Variants in PRIMA1 observed in about 807,000 individuals in gnomAD.
PRIMA1 encodes proline rich membrane anchor 1, also known as proline-rich membrane anchor 1.
Under a neutral mutation model 17.5 loss-of-function variants are expected in PRIMA1, and 7 were observed. The observed-to-expected ratio is 0.40, with a 90% CI of 0.23 to 0.75. The LOEUF (loss-of-function observed/expected upper bound fraction) is 0.75. PRIMA1 is among the 30% of genes least tolerant of loss of function. The pLI is 0.37. For synonymous variants in PRIMA1, 97 were observed against 77.9 expected (o/e 1.25, Z -1.29); for missense variants, 200 against 201.8 (o/e 0.99, Z 0.05).
At chr14:93,749,706 T>C (rs1231941058) in intron 3 of PRIMA1, among the ~76,000 whole-genome samples, 2 of 152,208 alleles carry the variant, frequency 1.3e-5, no homozygotes, top group Admixed American at 6.5e-5. Context: ...CAGCACCTAG[T>C]TGATGCTCAA....
At chr14:93,776,080 G>C (rs1029331838) in intron 3 of PRIMA1, among the ~76,000 whole-genome samples, 18 of 152,196 alleles carry the variant, frequency 1.2e-4, no homozygotes, top group Admixed American at 7.9e-4. Context: ...TGGAATGCTG[G>C]AGCCTGGAGC....
chr14:93,734,095 G>T (rs1206494551), intron 4 of PRIMA1, among the ~76,000 whole-genome samples: 9 of 152,154 alleles, frequency 5.9e-5, no homozygotes, highest in Admixed American at 5.9e-4. Flanking sequence ...GCTGCACCAG[G>T]GATACTCTCT....
chr14:93,728,136 A>G (rs2076091309), intron 4 of PRIMA1, among the ~76,000 whole-genome samples: 1 of 152,180 alleles, frequency 6.6e-6, no homozygotes, highest in African/African-American at 2.4e-5. Flanking sequence ...CACGGGCAAG[A>G]TTCATTCACA....
At chr14:93,721,680 T>C in intron 4 of PRIMA1, 134 bp from the exon 5 acceptor site, 2 of 645,422 alleles carry the variant, frequency 3.1e-6, no homozygotes, top group Non-Finnish European at 5.6e-6. Flanking sequence ...AGCCAATGGC[T>C]CTGTCCTCGG....
chr14:93,755,129 C>T (rs936974906), intron 3 of PRIMA1, among the ~76,000 whole-genome samples: 7 of 152,278 alleles, frequency 4.6e-5, no homozygotes, highest in African/African-American at 1.4e-4. Context: ...GGGAAAAAAA[C>T]CCGAGGCCTA....
In PRIMA1 at chr14:93,737,268, A is replaced by G. The variant is rs145843133; in HGVS notation, c.332T>C (p.Val111Ala). The G allele has an allele frequency of 3.0e-5, 48 of 1,613,996 alleles. No homozygotes were observed. Among genetic ancestry groups the G allele is most frequent in the Non-Finnish European group, 4.0e-5 (47 of 1,180,030 alleles). The change falls in exon 4 of 5, where the codon GTC becomes GCC. Residue 111 changes from valine (V) to alanine (A), a missense_variant. Transcript: ENST00000393140. ...TTTTATGGCTTTGTAGCAAATGATG[A>G]CAAGCACAGTCAGAAACACCAGGGA... ...CASLVFLTVL[V>A]IICYKAIKRK...
chr14:93,787,045 AT>A (rs1333437337), intron 2 of PRIMA1, among the ~76,000 whole-genome samples: 2 of 152,006 alleles, frequency 1.3e-5, no homozygotes, highest in African/African-American at 4.8e-5. Context: ...GGACCACCCC[AT>A]TGAAACCCCT....
At chr14:93,779,429 G>T (rs969346170) in intron 2 of PRIMA1, 118 bp from the exon 3 acceptor site, 3 of 812,576 alleles carry the variant, frequency 3.7e-6, no homozygotes, top group African/African-American at 3.6e-5. Context: ...TCCTTTCCAA[G>T]ACCAAGGCAG....
chr14:93,768,556 T>C (rs1488727060), intron 3 of PRIMA1, among the ~76,000 whole-genome samples: 3 of 152,146 alleles, frequency 2.0e-5, no homozygotes, highest in African/African-American at 7.2e-5. Flanking sequence ...AGTGTCCAAC[T>C]AGAGGCAGGA....
intron 3 of PRIMA1, among the ~76,000 whole-genome samples, chr14:93,756,978 C>T (rs80303031): frequency 0.02 from 3,087 of 152,268 alleles, 113 homozygotes; most frequent in African/African-American, 0.07. Context: ...ATTACATTCC[C>T]GCTCAGTGTC....
intron 4 of PRIMA1, among the ~76,000 whole-genome samples, chr14:93,724,669 G>T (rs141933471): frequency 8.5e-5 from 13 of 152,266 alleles, no homozygotes; most frequent in African/African-American, 3.1e-4. Context: ...AATATATCAC[G>T]AATACATGAA....
intron 3 of PRIMA1, among the ~76,000 whole-genome samples, chr14:93,777,649 C>A (rs1390295854): frequency 6.6e-6 from 1 of 152,186 alleles, no homozygotes; most frequent in East Asian, 1.9e-4. Flanking sequence ...CCCATTTATT[C>A]TTAAAGACCC....
chr14:93,786,871 A>G (rs903026445), intron 2 of PRIMA1, among the ~76,000 whole-genome samples: 2 of 152,262 alleles, frequency 1.3e-5, no homozygotes, highest in Non-Finnish European at 2.9e-5. Context: ...ACAATAGTAC[A>G]GTCAGGAAGA....
chr14:93,769,970 G>A (rs774076179), intron 3 of PRIMA1, among the ~76,000 whole-genome samples: 4 of 152,144 alleles, frequency 2.6e-5, no homozygotes, highest in Non-Finnish European at 5.9e-5. Context: ...GAGGACCAAG[G>A]AGAGGGGGCG....
intron 4 of PRIMA1, among the ~76,000 whole-genome samples, chr14:93,722,848 T>A (rs2141148706): frequency 6.6e-6 from 1 of 152,136 alleles, no homozygotes; most frequent in African/African-American, 2.4e-5. Flanking sequence ...GCAATGATGG[T>A]GGTGAATATC....
intron 3 of PRIMA1, among the ~76,000 whole-genome samples, chr14:93,766,190 T>G (rs1884889278): frequency 6.6e-6 from 1 of 152,198 alleles, no homozygotes. Context: ...TGCCTCCTCA[T>G]GGTTCAACGA....
chr14:93,787,531 G>A, intron 2 of PRIMA1, 95 bp downstream of exon 2: 1 of 1,503,254 alleles, frequency 6.7e-7, no homozygotes, highest in Non-Finnish European at 8.9e-7. Context: ...CAATCAGTGG[G>A]GTGGCTGCAA....
At chr14:93,775,308 A>C (rs1356527227) in intron 3 of PRIMA1, among the ~76,000 whole-genome samples, 3 of 152,226 alleles carry the variant, frequency 2.0e-5, no homozygotes, top group Non-Finnish European at 4.4e-5. Context: ...CCATGAGGGC[A>C]GGAGCTGTCT....
At chr14:93,755,954 C>T (rs1235731083) in intron 3 of PRIMA1, among the ~76,000 whole-genome samples, 3 of 152,210 alleles carry the variant, frequency 2.0e-5, no homozygotes, top group East Asian at 1.9e-4. Flanking sequence ...CTTCCCCACC[C>T]GAAGCTCTTC....
Sources: allele counts gnomAD v4.1 joint callset (sites outside exome capture counted in the v4.1 genomes callset), GRCh38; gene constraint gnomAD v4.1.1; transcripts MANE v1.5; gene names NCBI Gene and HGNC (gene_info 2026-07-23, HGNC 2026-07-21).